Variants in CACNA1H observed in about 807,000 individuals in gnomAD.
The protein encoded by CACNA1H is voltage-dependent T-type calcium channel subunit alpha-1H.
CACNA1H carries 149 observed loss-of-function variants against 192.5 expected under a neutral mutation model. The ratio of observed to expected loss-of-function variants is 0.77; its 90% CI spans 0.68 to 0.89. The LOEUF is 0.89. Among genes scored for constraint, CACNA1H ranks in the 40% least tolerant of loss-of-function variants. The pLI is 0.00. For missense variants in CACNA1H, 4,257 were observed against 3,423.5 expected, an observed-to-expected ratio of 1.24 and a Z score of -6.08; for synonymous variants, 2,202 against 1,475.2, an observed-to-expected ratio of 1.49 and a Z score of -11.29.
At chr16:1,193,919 A>G (rs1966827191) in intron 2 of CACNA1H, among the ~76,000 whole-genome samples, 1 of 151,948 alleles carries the variant, frequency 6.6e-6, no homozygotes, top group African/African-American at 2.4e-5. Flanking sequence ...CCTTCCTGTG[A>G]TCCCTGAGAG....
At chr16:1,168,481 C>T (rs899124216) in intron 2 of CACNA1H, among the ~76,000 whole-genome samples, 3 of 152,016 alleles carry the variant, frequency 2.0e-5, no homozygotes, top group Admixed American at 1.3e-4. Context: ...CTGGGGGACC[C>T]TCCAGCTTCC....
chr16:1,183,998 G>C (rs1231059027), intron 2 of CACNA1H, among the ~76,000 whole-genome samples: 1 of 152,236 alleles, frequency 6.6e-6, no homozygotes, highest in Non-Finnish European at 1.5e-5. Flanking sequence ...CTGCCCCGGT[G>C]CTTCATCGGA....
chr16:1,155,098 A>G lies in CACNA1H; in HGVS notation c.299+1062A>G, dbSNP rs549354557. Among the ~76,000 whole-genome samples, 300 of 152,364 alleles carry G rather than the reference A, an allele frequency of 2.0e-3. 7 individuals are homozygous for G. In the South Asian group the frequency reaches 0.034, roughly 17 times the overall value. ...TTCCCTACCTTGTGTGTTTAACTGT[A>G]CAAATATTAAACACGAAAGAGGAAT... On this transcript the variant is annotated intron_variant, in intron 2 of 34. Coordinates refer to ENST00000348261, the MANE Select transcript of CACNA1H (RefSeq NM_021098.3).
At chr16:1,210,196 A>G in intron 18 of CACNA1H, 61 bp downstream of exon 18, 1 of 1,393,534 alleles carries the variant, frequency 7.2e-7, no homozygotes, top group African/African-American at 1.4e-5. Context: ...CCCCGCCCCC[A>G]GGTCCCTCCT....
At chr16:1,173,884 C>T (rs892154293) in intron 2 of CACNA1H, among the ~76,000 whole-genome samples, 8 of 152,160 alleles carry the variant, frequency 5.3e-5, no homozygotes, top group African/African-American at 1.9e-4. Context: ...TCACGTGGGG[C>T]TGTGGACATT....
chr16:1,215,536 G>C lies in CACNA1H; in HGVS notation c.5187G>C (p.Leu1729=), dbSNP rs752668013. Residue 1729 remains leucine, a synonymous_variant, in exon 30 of 35, where the codon CTG becomes CTC. Transcript: ENST00000348261. ...TCCCGGCCCTAGTGCTGAAGCTGCT[G>C]AAGATGGCTACGGGCATGCGCGCCC... ...VLRIARVLKL[L]KMATGMRALL... is the part of the protein sequence containing the mutation. The C allele has an allele frequency of 5.6e-6, 9 of 1,611,738 alleles. No individual in the cohort carries two copies. The African/African-American group carries it at 1.2e-4, about 22-fold the overall frequency.
intron 6 of CACNA1H, among the ~76,000 whole-genome samples, chr16:1,199,143 C>G (rs1275531875): frequency 1.5e-5 from 1 of 65,880 alleles, no homozygotes; most frequent in African/African-American, 6.3e-5. Context: ...CATGGCTCCG[C>G]CCACCGTGCG....
rs1171464152 is a variant in CACNA1H, at chr16:1,182,156, G to C, written c.300-12816G>C. 6.6e-5 allele frequency among the ~76,000 whole-genome samples: 10 copies of C among 152,312 alleles called. 1 individual carries two copies. The Middle Eastern group carries it at 0.024, about 363-fold the overall frequency. The stretch of plus-strand genomic sequence containing the variant: ...CAGGGTCCGTGCCTGAGACAGCGCA[G>C]GTGATGTGATTGTTTTGGCCCCTCC... On this transcript the variant is annotated intron_variant, in intron 2 of 34. Transcript: ENST00000348261.
intron 2 of CACNA1H, among the ~76,000 whole-genome samples, chr16:1,187,948 G>A (rs1044696136): frequency 5.9e-5 from 9 of 152,232 alleles, no homozygotes; most frequent in Non-Finnish European, 1.0e-4. Context: ...GTGTCCTCCA[G>A]GGCCAGCAGG....
rs1051644886 is a variant in CACNA1H, at chr16:1,201,770, C to T, written c.1320C>T (p.His440=). 2.5e-6 allele frequency: 4 copies of T among 1,606,260 alleles called. No individual in the cohort carries two copies. Among genetic ancestry groups the T allele is most frequent in the Non-Finnish European group, 3.4e-6 (4 of 1,177,340 alleles). The change falls in exon 9 of 35, where the codon CAC becomes CAT. Residue 440 remains histidine (H), a synonymous_variant. Coordinates refer to ENST00000348261, the MANE Select transcript of CACNA1H (RefSeq NM_021098.3). ...SQLMREQRAR[H]LSNDSTLASF... ...TGATGCGGGAGCAGCGGGCACGCCA[C>T]CTGTCCAACGACAGCACGCTGGCCA...
rs544063511 is a variant in CACNA1H at position 1,207,945 on chromosome 16, A to G, written c.3155-68A>G. 1.0e-5 allele frequency: 16 copies of G among 1,538,262 alleles called. No homozygotes were observed. The African/African-American group carries it at 2.1e-4, about 20-fold the overall frequency. On this transcript the variant is annotated intron_variant, in intron 15 of 34. Coordinates refer to ENST00000348261, the MANE Select transcript of CACNA1H (RefSeq NM_021098.3). ...GCAGGGCCCCCATAAGGCAATCCCT[A>G]GGTTGGGGGATTCCTGGTCCTGGGA...
At position 1,195,528 on chromosome 16, in the gene CACNA1H, A is replaced by C. The variant is rs766955535; in HGVS notation, c.508A>C (p.Thr170Pro). The C allele has an allele frequency of 6.2e-7, 1 of 1,605,778 alleles. No individual in the cohort carries two copies. Among genetic ancestry groups the C allele is most frequent in the Non-Finnish European group, 8.5e-7 (1 of 1,176,554 alleles). Residue 170 changes from threonine (T) to proline (P), a missense_variant, in exon 4 of 35, where the codon ACG becomes CCG. Coordinates refer to ENST00000348261, the MANE Select transcript of CACNA1H (RefSeq NM_021098.3). ...CGGGCAGAAGTGTTACCTGGGTGACACGTGGAACAGGCTGGATTTCTTCAT... is the reference window on the plus strand; with the variant it reads ...CGGGCAGAAGTGTTACCTGGGTGACCCGTGGAACAGGCTGGATTTCTTCAT... ...LFGQKCYLGDTWNRLDFFIVV... is the reference protein window; with the variant it reads ...LFGQKCYLGDPWNRLDFFIVV...
chr16:1,208,910 T>C, intron 16 of CACNA1H, 122 bp from the exon 17 acceptor site: 1 of 1,086,216 alleles, frequency 9.2e-7, no homozygotes, highest in Non-Finnish European at 1.2e-6. Flanking sequence ...CCACCGTGCC[T>C]CCCTGGCGGG....
Position 1,207,056 on chromosome 16 carries a change from G to A in CACNA1H, c.2845G>A (p.Asp949Asn), listed in dbSNP as rs751635916. 8.1e-6 allele frequency: 13 copies of A among 1,603,348 alleles called. No homozygotes were observed. Among genetic ancestry groups the A allele is most frequent in the Non-Finnish European group, 1.0e-5 (12 of 1,175,092 alleles). The change falls in exon 13 of 35, where the codon GAC becomes AAC. Residue 949 changes from aspartate (D) to asparagine (N), a missense_variant. Transcript: ENST00000348261. ...GTTCAGCCTGAAGACAGACACCGGA[G>A]ACACCGTGCCTGACAGGAAGAACTT... ...CKFSLKTDTG[D>N]TVPDRKNFDS... is the part of the protein sequence containing the mutation.
At chr16:1,175,485 G>A (rs138940724) in intron 2 of CACNA1H, among the ~76,000 whole-genome samples, 29 of 152,040 alleles carry the variant, frequency 1.9e-4, no homozygotes, top group African/African-American at 6.5e-4. Flanking sequence ...GCCTGGGCTG[G>A]ATGCACCCCT....
intron 6 of CACNA1H, 106 bp from the exon 7 acceptor site, chr16:1,200,150 A>G (rs1276664874): frequency 6.7e-6 from 6 of 901,050 alleles, no homozygotes; most frequent in Non-Finnish European, 9.6e-6. Context: ...CCTGACCCTG[A>G]TCACGTCCCT....
At chr16:1,186,224 C>T (rs1332575495) in intron 2 of CACNA1H, among the ~76,000 whole-genome samples, 2 of 151,616 alleles carry the variant, frequency 1.3e-5, no homozygotes, top group Admixed American at 6.6e-5. Flanking sequence ...CCTCCCAGGG[C>T]TGCTTGGGGA....
intron 2 of CACNA1H, among the ~76,000 whole-genome samples, chr16:1,160,335 T>C (rs939141834): frequency 1.3e-5 from 2 of 151,662 alleles, no homozygotes; most frequent in African/African-American, 4.9e-5. Flanking sequence ...ATTTCCAGGG[T>C]GGAGATTAAG....
In CACNA1H at chr16:1,202,345, C is replaced by A. The variant is rs747807971; in HGVS notation, c.1895C>A (p.Pro632His). 1.4e-4 allele frequency: 223 copies of A among 1,571,796 alleles called. No individual in the cohort carries two copies. Among genetic ancestry groups the A allele is most frequent in the Non-Finnish European group, 1.7e-4 (200 of 1,160,912 alleles). Residue 632 changes from proline (P) to histidine (H), a missense_variant, in exon 9 of 35, where the codon CCC becomes CAC. By Grantham distance (77) the Pro-to-His change is moderately conservative. Transcript: ENST00000348261. ...GGCAAAGGCAGCACCAGCCCCGGAC[C>A]CAAGGGGAAGTGGGCCGGTGGACCG... ...GSGKGSTSPG[P>H]KGKWAGGPPG...
Sources: gnomAD v4.1 joint callset for allele counts (sites outside exome capture counted in the v4.1 genomes callset) on GRCh38, gnomAD v4.1.1 for gene constraint, MANE v1.5 for transcripts, NCBI Gene and HGNC (gene_info 2026-07-23, HGNC 2026-07-21) for gene names.